The following LAMA2 variants were observed in gnomAD, a reference collection of about 807,000 sequenced individuals.
LAMA2 encodes the protein laminin subunit alpha 2, also known as laminin subunit alpha-2.
Under a neutral mutation model 364.8 loss-of-function variants are expected in LAMA2, and 269 were observed. That is an observed-to-expected ratio of 0.74 (90% CI 0.67 to 0.82). The LOEUF (loss-of-function observed/expected upper bound fraction) is 0.82, where lower values mean the gene tolerates loss of function less well. Among genes scored for constraint, LAMA2 ranks in the 40% least tolerant of loss-of-function variants. The probability of loss-of-function intolerance (pLI) is 0.00; values close to 1 mark genes in which losing one functional copy is unlikely to be tolerated. For synonymous variants in LAMA2, 1,379 were observed against 1,370.6 expected (o/e 1.01, Z -0.14); for missense variants, 3,807 against 3,873.2 (o/e 0.98, Z 0.45).
intron 12 of LAMA2, among the ~76,000 whole-genome samples, chr6:129,209,992 A>G: frequency 7.6e-6 from 1 of 130,792 alleles, no homozygotes; most frequent in Non-Finnish European, 1.5e-5. Context: ...CGACAGAGCG[A>G]GACTCCATCT....
intron 49 of LAMA2, among the ~76,000 whole-genome samples, chr6:129,462,594 T>C (rs1783313694): frequency 6.6e-6 from 1 of 152,048 alleles, no homozygotes; most frequent in East Asian, 1.9e-4. Flanking sequence ...TGTATCTTTT[T>C]GAGCTGTGCT....
At chr6:129,378,557 G>C (rs1383313113) in intron 34 of LAMA2, among the ~76,000 whole-genome samples, 1 of 152,178 alleles carries the variant, frequency 6.6e-6, no homozygotes, top group African/African-American at 2.4e-5. Context: ...ATTTTGAAAT[G>C]TGTTAATTGA....
intron 12 of LAMA2, among the ~76,000 whole-genome samples, chr6:129,199,729 A>G (rs1037797654): frequency 7.2e-5 from 11 of 152,172 alleles, no homozygotes; most frequent in African/African-American, 2.7e-4. Flanking sequence ...AGCAATACAT[A>G]TAAATAGTAC....
chr6:129,290,246 T>C (rs1038200120), intron 19 of LAMA2, among the ~76,000 whole-genome samples: 1 of 152,142 alleles, frequency 6.6e-6, no homozygotes, highest in African/African-American at 2.4e-5. Flanking sequence ...ATGTATGATA[T>C]GCATAAGAAA....
At chr6:129,393,658 A>G (rs73774807) in intron 37 of LAMA2, among the ~76,000 whole-genome samples, 1,527 of 152,338 alleles carry the variant, frequency 0.01, 24 homozygotes, top group African/African-American at 0.035. Flanking sequence ...GCATTATACT[A>G]TAGCATACAT....
chr6:128,893,010 A>C (rs887086418), intron 1 of LAMA2, among the ~76,000 whole-genome samples: 12 of 151,954 alleles, frequency 7.9e-5, no homozygotes, highest in African/African-American at 2.9e-4. Flanking sequence ...AAAAAGTTTC[A>C]ATCTTGCCTA....
intron 1 of LAMA2, among the ~76,000 whole-genome samples, chr6:128,912,409 T>G (rs548120273): frequency 2.6e-5 from 4 of 152,270 alleles, no homozygotes; most frequent in South Asian, 4.2e-4. Context: ...TAGGGAAAGG[T>G]TTTATTTTTT....
intron 1 of LAMA2, among the ~76,000 whole-genome samples, chr6:128,998,209 G>C (rs1307727085): frequency 1.3e-5 from 2 of 152,192 alleles, no homozygotes; most frequent in Non-Finnish European, 2.9e-5. Flanking sequence ...TGGCGAACCA[G>C]AAAGTAAGTC....
chr6:129,296,977 A>G (rs904137396), intron 20 of LAMA2, among the ~76,000 whole-genome samples: 1 of 152,160 alleles, frequency 6.6e-6, no homozygotes. Flanking sequence ...TTATAGATAG[A>G]TAAGAGATAT....
At chr6:129,165,330 T>C (rs915637040) in intron 8 of LAMA2, among the ~76,000 whole-genome samples, 26 of 152,040 alleles carry the variant, frequency 1.7e-4, no homozygotes, top group Admixed American at 8.5e-4. Context: ...AAAATATCAA[T>C]AAGTATTGAA....
At chr6:129,500,925 G>A (rs528804077) in intron 58 of LAMA2, among the ~76,000 whole-genome samples, 1 of 152,244 alleles carries the variant, frequency 6.6e-6, no homozygotes, top group South Asian at 2.1e-4. Flanking sequence ...ATAACCCACT[G>A]GTGGTTCTCT....
At chr6:129,504,034 A>C (rs1785860779) in intron 60 of LAMA2, among the ~76,000 whole-genome samples, 1 of 152,216 alleles carries the variant, frequency 6.6e-6, no homozygotes, top group South Asian at 2.1e-4. Flanking sequence ...TATTAAAGCA[A>C]AGCTTCCCTA....
rs1562200830 is a variant in LAMA2 at position 129,059,879 on chromosome 6, A to G, written c.379A>G (p.Thr127Ala). The G allele has an allele frequency of 3.2e-6, 5 of 1,579,208 alleles. No homozygotes were observed. Among genetic ancestry groups the G allele is most frequent in the Non-Finnish European group, 4.4e-6 (5 of 1,148,114 alleles). The change falls in exon 3 of 65, where the codon ACC becomes GCC. Residue 127 changes from threonine (T) to alanine (A), a missense_variant. Transcript: ENST00000421865. Reference sequence around the variant, plus strand: ...AATCGAATACCATTATGTGACAATTACCCTGGATTTACAGCAGGTATAGTT... The same window carrying G: ...AATCGAATACCATTATGTGACAATTGCCCTGGATTTACAGCAGGTATAGTT... ...NGIEYHYVTI[T>A]LDLQQVFQIA...
intron 44 of LAMA2, among the ~76,000 whole-genome samples, chr6:129,444,727 G>T (rs57485011): frequency 6.6e-6 from 1 of 152,118 alleles, no homozygotes; most frequent in Admixed American, 6.5e-5. Context: ...TATGTCAGCC[G>T]CAAAGCAGAT....
intron 17 of LAMA2, among the ~76,000 whole-genome samples, chr6:129,271,501 G>A (rs576084207): frequency 7.7e-6 from 1 of 130,004 alleles, no homozygotes; most frequent in African/African-American, 2.9e-5. Context: ...ACAGAGTCTC[G>A]CTCTGTTGCC....
chr6:129,412,889 C>G (rs1271580392), intron 40 of LAMA2, among the ~76,000 whole-genome samples: 2 of 152,140 alleles, frequency 1.3e-5, no homozygotes, highest in African/African-American at 4.8e-5. Context: ...CCCAAGCTAA[C>G]TGTAAGGGAG....
Position 129,286,900 on chromosome 6 carries a change from ATATAT to A in LAMA2, c.2538-941_2538-937del, listed in dbSNP as rs201178493. On this transcript the variant is annotated intron_variant, in intron 18 of 64. Coordinates refer to ENST00000421865, the MANE Select transcript of LAMA2 (RefSeq NM_000426.4). ...ATTATATAATATATAATAATATATAATATATTATATAATATATAATATAAATAGTT... is the reference window on the plus strand; with the variant it reads ...ATTATATAATATATAATAATATATAATATATAATATATAATATAAATAGTT... 5.3e-5 allele frequency among the ~76,000 whole-genome samples: 4 copies of A among 74,992 alleles called. 2 individuals carry two copies. Among genetic ancestry groups the A allele is most frequent in the Non-Finnish European group, 9.5e-5 (4 of 42,024 alleles). 49.2% of individuals were successfully genotyped at this position (74,992 alleles called of 152,430 possible).
chr6:129,352,829 T>C (rs1200038359), intron 31 of LAMA2, among the ~76,000 whole-genome samples: 1 of 152,024 alleles, frequency 6.6e-6, no homozygotes, highest in Non-Finnish European at 1.5e-5. Flanking sequence ...AAATGAAGGA[T>C]AATTTCAAAC....
chr6:129,492,574 A>G, intron 58 of LAMA2, 91 bp downstream of exon 58: 5 of 1,130,856 alleles, frequency 4.4e-6, no homozygotes, highest in South Asian at 1.3e-5. Flanking sequence ...TATCTAGTAC[A>G]CTCTGATATT....
Sources: allele counts gnomAD v4.1 joint callset (sites outside exome capture counted in the v4.1 genomes callset), GRCh38; gene constraint gnomAD v4.1.1; transcripts MANE v1.5; gene names NCBI Gene and HGNC (gene_info 2026-07-23, HGNC 2026-07-21).